ATP6V1C1: variants seen among roughly 807,000 people sequenced by gnomAD.
The protein encoded by ATP6V1C1 is ATPase H+ transporting V1 subunit C1.
In ATP6V1C1, 45 loss-of-function variants were observed where a neutral mutation model predicts 53.9. The ratio of observed to expected loss-of-function variants is 0.83; its 90% CI spans 0.66 to 1.07. The LOEUF is 1.07. Ranked by LOEUF, ATP6V1C1 falls within the 50% of genes least tolerant of loss-of-function variation. ATP6V1C1 has a pLI of 0.00. For missense variants in ATP6V1C1, 315 were observed against 440.3 expected (o/e 0.72, Z 2.55); for synonymous variants, 153 against 155.2 (o/e 0.99, Z 0.11).
intron 7 of ATP6V1C1, among the ~76,000 whole-genome samples, chr8:103,055,616 G>A (rs934675957): frequency 2.6e-5 from 4 of 152,074 alleles, no homozygotes; most frequent in South Asian, 2.1e-4. Context: ...CTTCCTTTCC[G>A]AACATAGTTC....
intron 1 of ATP6V1C1, among the ~76,000 whole-genome samples, chr8:103,037,654 A>G (rs1028049920): frequency 2.6e-5 from 4 of 152,214 alleles, no homozygotes; most frequent in African/African-American, 4.8e-5. Context: ...TTGCCATGCA[A>G]TGTTATGTTT....
At chr8:103,025,675 A>G (rs1244167421) in intron 1 of ATP6V1C1, among the ~76,000 whole-genome samples, 1 of 152,218 alleles carries the variant, frequency 6.6e-6, no homozygotes, top group Non-Finnish European at 1.5e-5. Context: ...TCTTTGGGCA[A>G]CTAATTTCAC....
chr8:103,022,588 G>T (rs1054100143), intron 1 of ATP6V1C1, among the ~76,000 whole-genome samples: 6 of 151,962 alleles, frequency 3.9e-5, no homozygotes, highest in African/African-American at 1.2e-4. Context: ...TGTAGTAGGG[G>T]CATGTGTATT....
intron 3 of ATP6V1C1, 76 bp from the exon 4 acceptor site, chr8:103,048,794 T>C: frequency 8.1e-7 from 1 of 1,228,792 alleles, no homozygotes; most frequent in Non-Finnish European, 1.2e-6. Flanking sequence ...CATGTCTTTA[T>C]GTAATATGTT....
At chr8:103,062,822 G>T (rs1817425140) in intron 8 of ATP6V1C1, 133 bp from the exon 9 acceptor site, 1 of 688,532 alleles carries the variant, frequency 1.5e-6, no homozygotes, top group Non-Finnish European at 2.5e-6. Context: ...AATCCAGATT[G>T]AAAAGCATTG....
intron 5 of ATP6V1C1, among the ~76,000 whole-genome samples, chr8:103,051,357 A>G (rs1817196485): frequency 6.6e-6 from 1 of 152,174 alleles, no homozygotes; most frequent in South Asian, 2.1e-4. Context: ...TATGTAATTA[A>G]CTTAAATATT....
chr8:103,041,026 C>G (rs1319785104), intron 2 of ATP6V1C1, 58 bp downstream of exon 2: 1 of 1,543,210 alleles, frequency 6.5e-7, no homozygotes, highest in Non-Finnish European at 8.8e-7. Flanking sequence ...AGGGCCAGTT[C>G]TCTCTTTTAG....
At chr8:103,046,800 T>C (rs1817104210) in intron 3 of ATP6V1C1, among the ~76,000 whole-genome samples, 1 of 152,216 alleles carries the variant, frequency 6.6e-6, no homozygotes, top group Admixed American at 6.5e-5. Flanking sequence ...GTTTGTACTT[T>C]CTTAAAAATG....
At chr8:103,044,218 C>G (rs955612816) in intron 3 of ATP6V1C1, among the ~76,000 whole-genome samples, 8 of 152,170 alleles carry the variant, frequency 5.3e-5, no homozygotes, top group Non-Finnish European at 1.2e-4. Context: ...CTGTGAAGCA[C>G]AAAAGTTTTA....
intron 1 of ATP6V1C1, among the ~76,000 whole-genome samples, chr8:103,028,521 G>C (rs927673042): frequency 6.6e-6 from 1 of 152,168 alleles, no homozygotes; most frequent in African/African-American, 2.4e-5. Flanking sequence ...TGTTACAGTG[G>C]TTCTGAAATT....
intron 1 of ATP6V1C1, among the ~76,000 whole-genome samples, chr8:103,034,787 T>A (rs1021062845): frequency 4.6e-5 from 7 of 151,994 alleles, no homozygotes; most frequent in African/African-American, 7.3e-5. Context: ...GGCAGGCAGG[T>A]CTTGAACTCT....
chr8:103,022,682 G>A (rs1586303031), intron 1 of ATP6V1C1, among the ~76,000 whole-genome samples: 1 of 152,032 alleles, frequency 6.6e-6, no homozygotes, highest in Non-Finnish European at 1.5e-5. Context: ...ATACCCTCTC[G>A]CTCTGAGAGG....
intron 1 of ATP6V1C1, among the ~76,000 whole-genome samples, chr8:103,022,652 C>G (rs1250704793): frequency 6.6e-6 from 1 of 152,082 alleles, no homozygotes. Context: ...AAGATTAAAA[C>G]AATTTTATTT....
intron 3 of ATP6V1C1, among the ~76,000 whole-genome samples, chr8:103,045,662 C>T (rs1430878640): frequency 6.6e-6 from 1 of 152,016 alleles, no homozygotes; most frequent in African/African-American, 2.4e-5. Flanking sequence ...AAAAAATGGG[C>T]CGGGCATGGT....
intron 8 of ATP6V1C1, among the ~76,000 whole-genome samples, chr8:103,059,896 A>C (rs1345437755): frequency 0.013 from 114 of 8,900 alleles, no homozygotes; most frequent in African/African-American, 0.037. Flanking sequence ...ACACACACAC[A>C]CCCACACACC....
intron 8 of ATP6V1C1, among the ~76,000 whole-genome samples, chr8:103,062,036 T>G (rs1563609669): frequency 6.6e-6 from 1 of 152,144 alleles, no homozygotes; most frequent in Non-Finnish European, 1.5e-5. Flanking sequence ...TCTAGTGATG[T>G]CCATGGAGCT....
At chr8:103,026,163 CT>C (rs1363758920) in intron 1 of ATP6V1C1, among the ~76,000 whole-genome samples, 1 of 152,186 alleles carries the variant, frequency 6.6e-6, no homozygotes, top group Non-Finnish European at 1.5e-5. Context: ...CGACAGGGCC[CT>C]CCTGGCCATG....
rs557629687 is a variant in ATP6V1C1 at position 103,068,316 on chromosome 8, TC to T, written c.1054-333del. 3.2e-3 allele frequency among the ~76,000 whole-genome samples: 487 copies of T among 152,354 alleles called. 2 individuals carry two copies. The highest frequency in any genetic ancestry group is 0.011 in the African/African-American group (466 of 41,582). ...TACTCCATATTTTGTAAGTCTTGTA[TC>T]CCATCAACTCAGTATTCTAAGTCCA... On this transcript the variant is annotated intron_variant, in intron 12 of 12. Coordinates refer to ENST00000518738, the MANE Select transcript of ATP6V1C1 (RefSeq NM_001695.5).
intron 1 of ATP6V1C1, among the ~76,000 whole-genome samples, chr8:103,031,798 C>G (rs1350069945): frequency 6.6e-6 from 1 of 152,040 alleles, no homozygotes; most frequent in Non-Finnish European, 1.5e-5. Context: ...GGAGCAGTAT[C>G]AAGTGGTTTA....
Sources: gnomAD v4.1 joint callset for allele counts (sites outside exome capture counted in the v4.1 genomes callset) on GRCh38, gnomAD v4.1.1 for gene constraint, MANE v1.5 for transcripts, NCBI Gene and HGNC (gene_info 2026-07-23, HGNC 2026-07-21) for gene names.